Variants in CHCHD3 observed in about 807,000 individuals in gnomAD.
CHCHD3 encodes coiled-coil-helix-coiled-coil-helix domain containing 3.
CHCHD3 carries 20 observed loss-of-function variants against 38.2 expected under a neutral mutation model. That is an observed-to-expected ratio of 0.52 (90% CI 0.37 to 0.76). CHCHD3 has a LOEUF of 0.76. Among genes scored for constraint, CHCHD3 ranks in the 30% least tolerant of loss-of-function variants. The pLI is 0.00. For synonymous variants in CHCHD3, 82 were observed against 100.0 expected, an observed-to-expected ratio of 0.82 and a Z score of 1.07; for missense variants, 245 against 279.2, an observed-to-expected ratio of 0.88 and a Z score of 0.87.
chr7:132,991,014 A>T (rs905513067), intron 3 of CHCHD3, among the ~76,000 whole-genome samples: 4 of 149,952 alleles, frequency 2.7e-5, no homozygotes, highest in African/African-American at 9.9e-5. Context: ...TTTATACTAG[A>T]TGTGCTAAAT....
chr7:132,940,565 C>T (rs1223098215), intron 4 of CHCHD3, among the ~76,000 whole-genome samples: 1 of 152,146 alleles, frequency 6.6e-6, no homozygotes, highest in African/African-American at 2.4e-5. Flanking sequence ...CATGGCCGTC[C>T]TTAGGAATAT....
In CHCHD3 at chr7:132,847,673, T is replaced by G. The variant is rs150791540; in HGVS notation, c.454-9204A>C. Among the ~76,000 whole-genome samples, 1,482 of 152,344 alleles carry G rather than the reference T, an allele frequency of 9.7e-3. 18 individuals carry two copies. Among genetic ancestry groups the G allele is most frequent in the Admixed American group, 0.02 (306 of 15,302 alleles). On this transcript the variant is annotated intron_variant, in intron 5 of 7. Coordinates refer to ENST00000262570, the MANE Select transcript of CHCHD3 (RefSeq NM_017812.4). ...AATGCACATGCACAGATACACATTA[T>G]TGCTCGATTTGAAAACTATCTGTTT...
intron 3 of CHCHD3, among the ~76,000 whole-genome samples, chr7:133,010,982 AAG>A (rs1392926561): frequency 6.6e-6 from 1 of 152,218 alleles, no homozygotes; most frequent in Non-Finnish European, 1.5e-5. Flanking sequence ...GGAAAGAAAG[AAG>A]AGTTATTTTA....
At chr7:132,960,354 G>A (rs1053997173) in intron 4 of CHCHD3, among the ~76,000 whole-genome samples, 1 of 152,174 alleles carries the variant, frequency 6.6e-6, no homozygotes, top group Admixed American at 6.5e-5. Flanking sequence ...TGGAAGTGGT[G>A]ATGTGCAAGA....
At chr7:132,908,882 T>G (rs561580440) in intron 4 of CHCHD3, among the ~76,000 whole-genome samples, 52 of 152,188 alleles carry the variant, frequency 3.4e-4, no homozygotes, top group Non-Finnish European at 6.3e-4. Context: ...AGGTCTTAAT[T>G]AAATTCTCAA....
intron 4 of CHCHD3, among the ~76,000 whole-genome samples, chr7:132,964,352 G>T (rs1286156057): frequency 1.3e-5 from 2 of 152,210 alleles, no homozygotes. Flanking sequence ...GGAGGCCGAG[G>T]CGGGCAGATC....
At chr7:132,936,593 C>A (rs1437247853) in intron 4 of CHCHD3, among the ~76,000 whole-genome samples, 1 of 152,158 alleles carries the variant, frequency 6.6e-6, no homozygotes, top group African/African-American at 2.4e-5. Flanking sequence ...TTAAGCTTGC[C>A]CTATTTCCCA....
chr7:133,019,331 A>T (rs1813118109), intron 3 of CHCHD3, among the ~76,000 whole-genome samples: 2 of 152,152 alleles, frequency 1.3e-5, no homozygotes, highest in Admixed American at 1.3e-4. Flanking sequence ...TAATAATAAA[A>T]ATCAAGATAA....
intron 6 of CHCHD3, among the ~76,000 whole-genome samples, chr7:132,834,945 C>CTCATTTAT (rs1807739759): frequency 6.8e-6 from 1 of 147,766 alleles, no homozygotes; most frequent in South Asian, 2.2e-4. Context: ...TTTTTTTCCT[C>CTCATTTAT]TCATTTATTT....
intron 2 of CHCHD3, chr7:133,036,099 T>C: frequency 1.5e-6 from 1 of 648,624 alleles, no homozygotes. Flanking sequence ...AGATTTCCTT[T>C]AGGGGAATTT....
intron 4 of CHCHD3, among the ~76,000 whole-genome samples, chr7:132,963,366 T>C (rs1394760776): frequency 7.7e-6 from 1 of 130,692 alleles, no homozygotes; most frequent in Non-Finnish European, 1.6e-5. Context: ...GCACTGTGGC[T>C]CACGCCTATA....
At chr7:132,835,114 A>C (rs1168378077) in intron 6 of CHCHD3, among the ~76,000 whole-genome samples, 2 of 150,654 alleles carry the variant, frequency 1.3e-5, no homozygotes, top group Non-Finnish European at 3.0e-5. Context: ...GGCTGGGACT[A>C]TAGGCATGCG....
chr7:132,982,801 C>T (rs572706567), intron 3 of CHCHD3, among the ~76,000 whole-genome samples: 97 of 151,946 alleles, frequency 6.4e-4, no homozygotes, highest in Non-Finnish European at 1.0e-3. Flanking sequence ...GCTGAACCTT[C>T]AATAACACAC....
intron 4 of CHCHD3, among the ~76,000 whole-genome samples, chr7:132,893,892 A>G (rs1268657160): frequency 6.6e-6 from 1 of 152,136 alleles, no homozygotes; most frequent in Non-Finnish European, 1.5e-5. Flanking sequence ...AGACAATTAA[A>G]CCTCTTTCCT....
At chr7:133,062,303 A>G (rs1814540091) in intron 2 of CHCHD3, among the ~76,000 whole-genome samples, 1 of 152,192 alleles carries the variant, frequency 6.6e-6, no homozygotes. Context: ...CAAGAAAGGC[A>G]AAAATATTGT....
intron 4 of CHCHD3, among the ~76,000 whole-genome samples, chr7:132,931,918 T>C (rs141602018): frequency 6.6e-6 from 1 of 152,124 alleles, no homozygotes; most frequent in Non-Finnish European, 1.5e-5. Flanking sequence ...TAATGCAGCT[T>C]TACACTGCAT....
intron 4 of CHCHD3, chr7:132,973,636 T>C (rs1335707287): frequency 1.1e-5 from 11 of 1,019,620 alleles, no homozygotes; most frequent in Non-Finnish European, 1.3e-5. Flanking sequence ...GCTTCACTAT[T>C]TGCCCATGCA....
intron 2 of CHCHD3, among the ~76,000 whole-genome samples, chr7:133,028,886 C>CAAAAA (rs529303007): frequency 1.2e-4 from 11 of 94,004 alleles, no homozygotes; most frequent in East Asian, 5.7e-4. Flanking sequence ...CTCCATCTCA[C>CAAAAA]AAAAAAAAAA....
At chr7:132,983,311 A>G (rs560618620) in intron 3 of CHCHD3, among the ~76,000 whole-genome samples, 1 of 152,332 alleles carries the variant, frequency 6.6e-6, no homozygotes, top group African/African-American at 2.4e-5. Context: ...TGACAGACCG[A>G]GACTCTATCT....
Sources: allele counts gnomAD v4.1 joint callset (sites outside exome capture counted in the v4.1 genomes callset), GRCh38; gene constraint gnomAD v4.1.1; transcripts MANE v1.5; gene names NCBI Gene and HGNC (gene_info 2026-07-23, HGNC 2026-07-21).